SORD: variants seen among roughly 807,000 people sequenced by gnomAD.
SORD encodes the protein (R,R)-butanediol dehydrogenase.
A neutral mutation model predicts 35.6 loss-of-function variants in SORD; 18 were observed. The ratio of observed to expected loss-of-function variants is 0.51; its 90% CI spans 0.35 to 0.75. SORD has a LOEUF of 0.75. Among genes scored for constraint, SORD ranks in the 30% least tolerant of loss-of-function variants. The probability of loss-of-function intolerance (pLI) is 0.01; values close to 1 mark genes in which losing one functional copy is unlikely to be tolerated. For synonymous variants in SORD, 106 were observed against 152.9 expected, an observed-to-expected ratio of 0.69 and a Z score of 2.26; for missense variants, 250 against 390.2, an observed-to-expected ratio of 0.64 and a Z score of 3.03.
At chr15:45,032,871 G>A (rs71480272) in intron 1 of SORD, among the ~76,000 whole-genome samples, 12,045 of 151,330 alleles carry the variant, frequency 0.08, 180 homozygotes, top group African/African-American at 0.094. Context: ...GCACTCAAGG[G>A]AAAGGGAAAA....
intron 1 of SORD, among the ~76,000 whole-genome samples, chr15:45,037,093 C>T (rs1162566916): frequency 6.6e-6 from 1 of 152,190 alleles, no homozygotes; most frequent in East Asian, 1.9e-4. Flanking sequence ...CCTACAGAGA[C>T]AGGAGGCAGG....
intron 7 of SORD, among the ~76,000 whole-genome samples, chr15:45,071,227 AG>A (rs888238171): frequency 1.4e-3 from 214 of 152,272 alleles, no homozygotes; most frequent in African/African-American, 5.0e-3. Flanking sequence ...GCATCTTGGC[AG>A]CTTGGAATGG....
chr15:45,030,270 C>T (rs114838787), intron 1 of SORD, among the ~76,000 whole-genome samples: 31,082 of 150,524 alleles, frequency 0.21, no homozygotes, highest in African/African-American at 0.44. Context: ...TTTACCATTC[C>T]ATAAAAGCAG....
chr15:45,041,839 G>A (rs1308555112), intron 2 of SORD: 1 of 152,220 alleles, frequency 6.6e-6, no homozygotes, highest in African/African-American at 2.4e-5. Flanking sequence ...AGGGAAAAGA[G>A]TGCATTTCAG....
At chr15:45,067,371 T>C (rs746194543) in intron 5 of SORD, among the ~76,000 whole-genome samples, 3 of 152,172 alleles carry the variant, frequency 2.0e-5, no homozygotes, top group Non-Finnish European at 4.4e-5. Flanking sequence ...AAAAAAATAC[T>C]GTGAACATTT....
At chr15:45,029,436 C>T (rs531978082) in intron 1 of SORD, among the ~76,000 whole-genome samples, 142 of 152,288 alleles carry the variant, frequency 9.3e-4, no homozygotes, top group African/African-American at 3.3e-3. Context: ...TGAGTGAGTG[C>T]GGGATCCAGC....
At chr15:45,043,891 C>T (rs200274505) in intron 3 of SORD, among the ~76,000 whole-genome samples, 4,945 of 145,588 alleles carry the variant, frequency 0.034, 12 homozygotes, top group South Asian at 0.089. Flanking sequence ...GGGAGGAATT[C>T]TCAGCTGTGG....
chr15:45,058,279 T>G (rs1360182781), intron 3 of SORD, among the ~76,000 whole-genome samples: 2 of 152,186 alleles, frequency 1.3e-5, no homozygotes, highest in East Asian at 3.8e-4. Context: ...CAGGACCTCC[T>G]TCCAACCCTA....
At chr15:45,071,513 G>T (rs1286588473) in intron 7 of SORD, among the ~76,000 whole-genome samples, 1 of 152,164 alleles carries the variant, frequency 6.6e-6, no homozygotes, top group Admixed American at 6.5e-5. Context: ...CCTTTCTCTA[G>T]TTCCACTGTT....
intron 1 of SORD, among the ~76,000 whole-genome samples, chr15:45,035,231 G>C (rs1457032715): frequency 6.6e-6 from 1 of 152,186 alleles, no homozygotes; most frequent in Non-Finnish European, 1.5e-5. Context: ...CGCACGGTGC[G>C]GGACTGGCAA....
chr15:45,040,928 G>A (rs1274375201), intron 2 of SORD, among the ~76,000 whole-genome samples: 1 of 152,192 alleles, frequency 6.6e-6, no homozygotes, highest in Non-Finnish European at 1.5e-5. Flanking sequence ...AAAGTGTGGG[G>A]CAGCCCAGGA....
chr15:45,047,675 C>A (rs767726411), intron 3 of SORD, among the ~76,000 whole-genome samples: 1 of 152,218 alleles, frequency 6.6e-6, no homozygotes, highest in Non-Finnish European at 1.5e-5. Flanking sequence ...TCCATCAGAC[C>A]TTTCCTGAAT....
rs1595491142 is a variant in SORD, at chr15:45,023,231, G to C, written c.-53G>C. 29 of 1,463,762 alleles carry C rather than the reference G, an allele frequency of 2.0e-5. No individual in the cohort carries two copies. Among genetic ancestry groups the C allele is most frequent in the Non-Finnish European group, 2.5e-5 (27 of 1,097,026 alleles). The allele number at this position is 1,463,762 out of a possible 1,614,324, so 90.7% of individuals were successfully genotyped here. A position where few individuals can be genotyped will look rare whatever the true frequency, so the allele number is the denominator to read the frequency against. Reference sequence around the variant, plus strand: ...CCCTCGGCTGGGTAGCGCCACCAGAGCGACCAAACGTCCCGCGCCTTCCAG... The same window carrying C: ...CCCTCGGCTGGGTAGCGCCACCAGACCGACCAAACGTCCCGCGCCTTCCAG... On this transcript the variant is annotated 5_prime_UTR_variant, in exon 1 of 9. Coordinates refer to ENST00000267814, the MANE Select transcript of SORD (RefSeq NM_003104.6).
At chr15:45,055,986 A>C (rs1223623388) in intron 3 of SORD, among the ~76,000 whole-genome samples, 3 of 151,716 alleles carry the variant, frequency 2.0e-5, no homozygotes, top group Non-Finnish European at 4.4e-5. Context: ...GATGGGACGT[A>C]TCTCAAAATA....
chr15:45,031,458 C>G (rs1397625632), intron 1 of SORD, among the ~76,000 whole-genome samples: 1 of 152,214 alleles, frequency 6.6e-6, no homozygotes, highest in Non-Finnish European at 1.5e-5. Context: ...CTTCTCCCAG[C>G]AGAACTTATG....
intron 1 of SORD, among the ~76,000 whole-genome samples, chr15:45,026,101 C>T (rs1336856980): frequency 6.6e-6 from 1 of 152,204 alleles, no homozygotes; most frequent in African/African-American, 2.4e-5. Flanking sequence ...TCAACACAGA[C>T]CTTCTGGGCC....
chr15:45,031,526 C>G (rs566614972), intron 1 of SORD, among the ~76,000 whole-genome samples: 33 of 152,382 alleles, frequency 2.2e-4, no homozygotes, highest in South Asian at 1.0e-3. Context: ...TCTACAGGCT[C>G]TCGGCCATGG....
At chr15:45,029,861 C>T (rs114055522) in intron 1 of SORD, among the ~76,000 whole-genome samples, 31,275 of 150,864 alleles carry the variant, frequency 0.21, no homozygotes, top group African/African-American at 0.44. Context: ...GTCTCCTCCC[C>T]GAAGTCAGGT....
intron 8 of SORD, among the ~76,000 whole-genome samples, chr15:45,072,686 G>A (rs188600169): frequency 6.9e-6 from 1 of 144,740 alleles, no homozygotes; most frequent in Non-Finnish European, 1.5e-5. Context: ...CTTACTGAGT[G>A]TCTGCTGCTT....
Sources: gnomAD v4.1 joint callset for allele counts (sites outside exome capture counted in the v4.1 genomes callset) on GRCh38, gnomAD v4.1.1 for gene constraint, MANE v1.5 for transcripts, NCBI Gene and HGNC (gene_info 2026-07-23, HGNC 2026-07-21) for gene names.